PCDHA3: variants seen among roughly 807,000 people sequenced by gnomAD.
The protein encoded by PCDHA3 is protocadherin alpha 3.
A neutral mutation model predicts 62.2 loss-of-function variants in PCDHA3; 41 were observed. The observed-to-expected ratio is 0.66, with a 90% confidence interval of 0.51 to 0.86. The LOEUF is 0.86. Ranked by LOEUF, PCDHA3 falls within the 40% of genes least tolerant of loss-of-function variation. The pLI is 0.00. For synonymous variants in PCDHA3, 640 were observed against 555.4 expected (o/e 1.15, Z -2.14); for missense variants, 1,304 against 1,241.2 (o/e 1.05, Z -0.76).
chr5:140,823,942 T>C, intron 1 of PCDHA3: 1 of 1,613,786 alleles, frequency 6.2e-7, no homozygotes. Context: ...GCTGCGGTGC[T>C]CGGCGCAGCC....
intron 1 of PCDHA3, chr5:140,854,159 C>CTAAAA (rs2043003709): frequency 3.1e-6 from 1 of 323,772 alleles, no homozygotes; most frequent in Admixed American, 1.0e-4. Context: ...GATTCTGTCT[C>CTAAAA]AAAAAAAAAA....
chr5:140,906,593 T>C (rs2072768257), intron 1 of PCDHA3, among the ~76,000 whole-genome samples: 1 of 152,242 alleles, frequency 6.6e-6, no homozygotes, highest in Admixed American at 6.5e-5. Flanking sequence ...TACCTTCCTC[T>C]ACTACTCATT....
rs1195729562 is a variant in PCDHA3, at chr5:140,897,783, G to A, written c.2395-81166G>A. 1.3e-3 allele frequency among the ~76,000 whole-genome samples: 204 copies of A among 152,264 alleles called. 1 individual carries two copies. The highest frequency in any genetic ancestry group is 0.011 in the South Asian group (52 of 4,820). ...CGCCACACTGACTTCCACAATGGTTGAACTAGTTTAGAGTCCCACCAACAG... is the reference window on the plus strand; with the variant it reads ...CGCCACACTGACTTCCACAATGGTTAAACTAGTTTAGAGTCCCACCAACAG... On this transcript the variant is annotated intron_variant, in intron 1 of 3. Transcript: ENST00000522353.
intron 1 of PCDHA3, among the ~76,000 whole-genome samples, chr5:140,890,478 G>A (rs1358799219): frequency 1.3e-5 from 2 of 151,984 alleles, no homozygotes; most frequent in Non-Finnish European, 2.9e-5. Flanking sequence ...TTTTTTGTGC[G>A]TTATTTTTGT....
intron 1 of PCDHA3, among the ~76,000 whole-genome samples, chr5:140,827,804 G>C (rs1554130889): frequency 6.6e-6 from 1 of 152,206 alleles, no homozygotes; most frequent in East Asian, 1.9e-4. Flanking sequence ...AATTACAAAC[G>C]TGAGGAGGGT....
chr5:140,877,247 C>T (rs782249614), intron 1 of PCDHA3: 1 of 1,613,680 alleles, frequency 6.2e-7, no homozygotes, highest in African/African-American at 1.3e-5. Context: ...CACGTGGTGG[C>T]GAAAGTGCGC....
chr5:140,946,163 T>C (rs1345991689), intron 1 of PCDHA3, among the ~76,000 whole-genome samples: 1 of 151,884 alleles, frequency 6.6e-6, no homozygotes, highest in African/African-American at 2.4e-5. Flanking sequence ...ATTTAAAAGA[T>C]GGGTAAAGGA....
intron 3 of PCDHA3, among the ~76,000 whole-genome samples, chr5:141,007,395 C>CAAAAAAAAAAAAAAA (rs35800918): frequency 2.1e-5 from 2 of 94,866 alleles, no homozygotes; most frequent in Non-Finnish European, 2.1e-5. Context: ...TACTAAAATA[C>CAAAAAAAAAAAAAAA]AAAAAAAAAA....
Position 141,000,421 on chromosome 5 carries a change from A to ATTTT in PCDHA3, c.2543-9186_2543-9183dup, listed in dbSNP as rs34755515. ...TATATATATATATATATATATATAT[A>ATTTT]TTTTTTTTTTTTTTTTTTTTTTTGA... On this transcript the variant is annotated intron_variant, in intron 3 of 3. Transcript: ENST00000522353. Among the ~76,000 whole-genome samples the ATTTT allele has an allele frequency of 6.1e-3, 170 of 27,980 alleles. 16 individuals carry two copies. The highest frequency in any genetic ancestry group is 7.4e-3 in the Non-Finnish European group (131 of 17,660). The allele number at this position is 27,980 out of a possible 152,430, so 18.4% of individuals were successfully genotyped here.
At chr5:140,944,438 C>T (rs1585166190) in intron 1 of PCDHA3, among the ~76,000 whole-genome samples, 2 of 152,154 alleles carry the variant, frequency 1.3e-5, no homozygotes, top group Non-Finnish European at 2.9e-5. Flanking sequence ...CTGCCTGCCT[C>T]GGCCTCCCAA....
At chr5:140,825,010 T>G (rs1223030036) in intron 1 of PCDHA3, 1 of 152,128 alleles carries the variant, frequency 6.6e-6, no homozygotes, top group Non-Finnish European at 1.5e-5. Flanking sequence ...TTTACTGTTC[T>G]AAAGGTGCAA....
At chr5:140,836,969 C>T (rs2150271753) in intron 1 of PCDHA3, 9 of 381,928 alleles carry the variant, frequency 2.4e-5, no homozygotes, top group Non-Finnish European at 3.7e-5. Flanking sequence ...TGGCTACTCT[C>T]CATTTTTGGA....
intron 1 of PCDHA3, chr5:140,852,586 T>TA (rs1469930347): frequency 1.0e-5 from 9 of 878,452 alleles, no homozygotes; most frequent in Non-Finnish European, 1.1e-5. Flanking sequence ...TTTTTTATTT[T>TA]TTTTTTTTGT....
intron 1 of PCDHA3, among the ~76,000 whole-genome samples, chr5:140,950,786 T>A (rs890329662): frequency 6.6e-6 from 1 of 152,140 alleles, no homozygotes; most frequent in Non-Finnish European, 1.5e-5. Context: ...TGGTACTTTT[T>A]AAATATTGTC....
At chr5:140,973,354 T>A (rs937415600) in intron 1 of PCDHA3, among the ~76,000 whole-genome samples, 4 of 152,202 alleles carry the variant, frequency 2.6e-5, no homozygotes, top group Non-Finnish European at 5.9e-5. Flanking sequence ...AGTAGTGAAT[T>A]TATAAAAATT....
intron 1 of PCDHA3, among the ~76,000 whole-genome samples, chr5:140,826,793 T>C (rs1346531723): frequency 6.6e-5 from 10 of 152,152 alleles, no homozygotes; most frequent in Admixed American, 6.5e-4. Context: ...TGCAAAAAGT[T>C]GATTACCTAA....
At chr5:140,831,424 A>G (rs2150194380) in intron 1 of PCDHA3, among the ~76,000 whole-genome samples, 13 of 151,636 alleles carry the variant, frequency 8.6e-5, no homozygotes, top group Non-Finnish European at 1.6e-4. Flanking sequence ...CAGTGGTGCA[A>G]TAATGGCTCA....
chr5:140,866,116 T>C (rs1232986434), intron 1 of PCDHA3: 2 of 152,196 alleles, frequency 1.3e-5, no homozygotes, highest in Non-Finnish European at 2.9e-5. Flanking sequence ...AGTTGCCTTA[T>C]AAGAACTACG....
chr5:140,993,891 C>G (rs2097585722), intron 3 of PCDHA3, among the ~76,000 whole-genome samples: 1 of 152,096 alleles, frequency 6.6e-6, no homozygotes. Flanking sequence ...CTATGATGTC[C>G]ATACAACAAA....
Sources: gnomAD v4.1 joint callset for allele counts (sites outside exome capture counted in the v4.1 genomes callset) on GRCh38, gnomAD v4.1.1 for gene constraint, MANE v1.5 for transcripts, NCBI Gene and HGNC (gene_info 2026-07-23, HGNC 2026-07-21) for gene names.